RADIL: variants seen among roughly 807,000 people sequenced by gnomAD.
RADIL encodes Rap associating with DIL domain.
A neutral mutation model predicts 97.6 loss-of-function variants in RADIL; 99 were observed. The observed-to-expected ratio is 1.01, with a 90% confidence interval of 0.86 to 1.20. RADIL has a LOEUF of 1.20. Among genes scored for constraint, RADIL ranks in the 50% most tolerant of loss-of-function variants. The pLI is 0.00. For synonymous variants in RADIL, 803 were observed against 691.8 expected (o/e 1.16, Z -2.52); for missense variants, 1,765 against 1,498.9 (o/e 1.18, Z -2.93).
chr7:4,871,847 C>T (rs537658888), intron 2 of RADIL, among the ~76,000 whole-genome samples: 1 of 152,318 alleles, frequency 6.6e-6, no homozygotes. Flanking sequence ...GTCAAAAGCC[C>T]AGTGAGTGCT....
At chr7:4,833,797 CG>C (rs111756691) in intron 4 of RADIL, among the ~76,000 whole-genome samples, 19,769 of 151,978 alleles carry the variant, frequency 0.13, 3,396 homozygotes, top group African/African-American at 0.4. Flanking sequence ...TGGGGCCCAG[CG>C]GGGGGCCATG....
intron 12 of RADIL, among the ~76,000 whole-genome samples, chr7:4,801,077 C>A (rs975799911): frequency 1.3e-5 from 2 of 151,884 alleles, no homozygotes; most frequent in African/African-American, 2.4e-5. Context: ...CCCATGCACA[C>A]GTGCACTTAC....
intron 5 of RADIL, among the ~76,000 whole-genome samples, chr7:4,828,422 C>T (rs1296225672): frequency 6.6e-6 from 1 of 152,140 alleles, no homozygotes; most frequent in Non-Finnish European, 1.5e-5. Flanking sequence ...CGCGCCAATG[C>T]GCTCCAGCCT....
At chr7:4,860,964 G>A in intron 2 of RADIL, 1 of 1,614,186 alleles carries the variant, frequency 6.2e-7, no homozygotes, top group Non-Finnish European at 8.5e-7. Context: ...ACTGGGTTTG[G>A]CCATTCCCAT....
chr7:4,812,491 G>A (rs1044012211), intron 9 of RADIL, among the ~76,000 whole-genome samples: 4 of 151,880 alleles, frequency 2.6e-5, no homozygotes, highest in African/African-American at 2.4e-5. Flanking sequence ...GCATGATCTC[G>A]GCTCACTGCA....
rs58900044 is a variant in RADIL at position 4,881,101 on chromosome 7, T to TAA, written c.-65+2493_-65+2494dup. On this transcript the variant is annotated intron_variant, in intron 1 of 14. Coordinates refer to ENST00000399583, the MANE Select transcript of RADIL (RefSeq NM_018059.5). Reference sequence around the variant, plus strand: ...GGCAATGGAGTGAGACCCTCTCTGTTAAAAAAAAAAAAAAAAAAAAAAAAA... The same window carrying TAA: ...GGCAATGGAGTGAGACCCTCTCTGTTAAAAAAAAAAAAAAAAAAAAAAAAAAA... Among the ~76,000 whole-genome samples the TAA allele has an allele frequency of 9.8e-4, 54 of 55,220 alleles. 1 individual carries two copies. The highest frequency in any genetic ancestry group is 2.9e-3 in the African/African-American group (48 of 16,384). The allele number at this position is 55,220 out of a possible 152,430, so 36.2% of individuals were successfully genotyped here.
At chr7:4,803,854 T>A in intron 10 of RADIL, 100 bp from the exon 11 acceptor site, 1 of 1,071,982 alleles carries the variant, frequency 9.3e-7, no homozygotes, top group South Asian at 1.4e-5. Context: ...GCCAGCAGAT[T>A]GAGCCCTGAG....
At chr7:4,860,880 A>ACCTAT (rs755585277) in intron 2 of RADIL, 9 of 1,613,816 alleles carry the variant, frequency 5.6e-6, no homozygotes, top group Non-Finnish European at 7.6e-6. Flanking sequence ...ATAAGATGGT[A>ACCTAT]CCTATCACTG....
intron 2 of RADIL, among the ~76,000 whole-genome samples, chr7:4,866,318 G>A (rs1296076452): frequency 6.6e-6 from 1 of 152,064 alleles, no homozygotes; most frequent in Non-Finnish European, 1.5e-5. Context: ...TTGATTGCCT[G>A]CTAGACTCTT....
At chr7:4,860,299 C>G (rs1783951123) in intron 2 of RADIL, 3 of 1,613,850 alleles carry the variant, frequency 1.9e-6, no homozygotes, top group African/African-American at 1.3e-5. Flanking sequence ...CTTTCTTGTC[C>G]TGAAGCACAT....
At position 4,799,739 on chromosome 7, in the gene RADIL, T is replaced by G. The variant is rs766868655; in HGVS notation, c.3013A>C (p.Ile1005Leu). 18 of 1,555,748 alleles carry G rather than the reference T, an allele frequency of 1.2e-5. No homozygotes were observed. In the South Asian group the frequency reaches 2.1e-4, roughly 18 times the overall value. The change falls in exon 14 of 15, where the codon ATC becomes CTC. Residue 1005 changes from isoleucine (I) to leucine (L), a missense_variant. Ile to Leu is a conservative substitution (Grantham distance 5). Transcript: ENST00000399583. The part of the protein sequence containing the change: ...HTHLGAPGLY[I>L]QTLLPGSPAA... ...GGGCTGCCCGGGAGCAGGGTCTGGA[T>G]GTAGAGCCCGGGGGCGCCCAGGTGC...
In RADIL at chr7:4,842,689, G is replaced by A. The variant is rs563273877; in HGVS notation, c.536-6084C>T. ...GATCCTGTTTTCTCTTCCCTCCCTGGCTCTTGATGGTTTGGAATAATGATA... is the reference window on the plus strand; with the variant it reads ...GATCCTGTTTTCTCTTCCCTCCCTGACTCTTGATGGTTTGGAATAATGATA... On this transcript the variant is annotated intron_variant, in intron 2 of 14. Coordinates refer to ENST00000399583, the MANE Select transcript of RADIL (RefSeq NM_018059.5). This position sits in a 1 kb window ranked among gnomAD's most constrained non-coding sequence, Gnocchi z 4.5. 1.1e-4 allele frequency among the ~76,000 whole-genome samples: 16 copies of A among 152,224 alleles called. No homozygotes were observed. The highest frequency in any genetic ancestry group is 4.6e-4 in the Admixed American group (7 of 15,288).
At chr7:4,862,955 G>A (rs1218260397) in intron 2 of RADIL, among the ~76,000 whole-genome samples, 1 of 152,022 alleles carries the variant, frequency 6.6e-6, no homozygotes, top group Non-Finnish European at 1.5e-5. Flanking sequence ...ATCTTACCCA[G>A]GATACACTAT....
chr7:4,879,211 G>A lies in RADIL; in HGVS notation c.-64-1008C>T, dbSNP rs977761042. 6.6e-6 allele frequency among the ~76,000 whole-genome samples: 1 copy of A among 152,224 alleles called. No homozygotes were observed. Among genetic ancestry groups the A allele is most frequent in the Non-Finnish European group, 1.5e-5 (1 of 68,032 alleles). ...AGGCCACAGAGATGCAGTCTCCTGG[G>A]GAAACGGGAAAACAGCCTGGGACGC... is the stretch of plus-strand genomic sequence containing the variant. On this transcript the variant is annotated intron_variant, in intron 1 of 14. Transcript: ENST00000399583. The surrounding 1 kb of genome is among the most constrained non-coding windows in gnomAD (Gnocchi z 4.1).
In RADIL at chr7:4,880,530, T is replaced by C. The variant is rs10276107; in HGVS notation, c.-64-2327A>G. On this transcript the variant is annotated intron_variant, in intron 1 of 14. Transcript: ENST00000399583. The surrounding 1 kb of genome is among the most constrained non-coding windows in gnomAD (Gnocchi z 4.5). ...CTCTCCAGCCGGCACTTATTAACCATCCATGAGAGCTGCACAACCCTGCTC... is the reference window on the plus strand; with the variant it reads ...CTCTCCAGCCGGCACTTATTAACCACCCATGAGAGCTGCACAACCCTGCTC... Among the ~76,000 whole-genome samples the C allele has an allele frequency of 2.8e-3, 419 of 152,218 alleles. 4 individuals are homozygous for C. The highest frequency in any genetic ancestry group is 9.8e-3 in the African/African-American group (409 of 41,542).
intron 10 of RADIL, chr7:4,804,072 G>A (rs1782209946): frequency 1.3e-5 from 5 of 394,208 alleles, no homozygotes; most frequent in South Asian, 1.2e-4. Context: ...GTCTCTGATG[G>A]TGTCTCCGGG....
rs574705784 is a variant in RADIL, at chr7:4,817,896, C to A, written c.1616-545G>T. 1.3e-5 allele frequency among the ~76,000 whole-genome samples: 2 copies of A among 152,188 alleles called. No homozygotes were observed. Among genetic ancestry groups the A allele is most frequent in the African/African-American group, 2.4e-5 (1 of 41,448 alleles). On this transcript the variant is annotated intron_variant, in intron 6 of 14. Coordinates refer to ENST00000399583, the MANE Select transcript of RADIL (RefSeq NM_018059.5). This position sits in a 1 kb window ranked among gnomAD's most constrained non-coding sequence, Gnocchi z 8.3. Reference sequence around the variant, plus strand: ...GAGCTGCCCACGGAGTGGTTCCTGCCGTCTGGGTGGGGGCTCTTGTGAAGG... The same window carrying A: ...GAGCTGCCCACGGAGTGGTTCCTGCAGTCTGGGTGGGGGCTCTTGTGAAGG...
At chr7:4,802,360 C>T (rs1200703316) in intron 11 of RADIL, among the ~76,000 whole-genome samples, 55 of 141,426 alleles carry the variant, frequency 3.9e-4, no homozygotes, top group African/African-American at 1.4e-3. Flanking sequence ...TCGGGGCACG[C>T]TGGCTGGGGG....
rs1782827209 is a variant in RADIL at position 4,821,406 on chromosome 7, T to A, written c.1615+988A>T. Among the ~76,000 whole-genome samples, 3 of 152,070 alleles carry A rather than the reference T, an allele frequency of 2.0e-5. No homozygotes were observed. Among genetic ancestry groups the A allele is most frequent in the Admixed American group, 1.3e-4 (2 of 15,264 alleles). On this transcript the variant is annotated intron_variant, in intron 6 of 14. Coordinates refer to ENST00000399583, the MANE Select transcript of RADIL (RefSeq NM_018059.5). The surrounding 1 kb of genome is among the most constrained non-coding windows in gnomAD (Gnocchi z 5.2). ...GCACAGTCCTGCTGCCCCGTCTGGC[T>A]CCATTCCAGGCCCCACACAGTCCTT...
Sources: allele counts gnomAD v4.1 joint callset (sites outside exome capture counted in the v4.1 genomes callset), GRCh38; gene constraint gnomAD v4.1.1; non-coding constraint Gnocchi (gnomAD v3.1); transcripts MANE v1.5; gene names NCBI Gene and HGNC (gene_info 2026-07-23, HGNC 2026-07-21).